The following TAGLN2 variants were observed in gnomAD, a reference collection of about 807,000 sequenced individuals.
The protein encoded by TAGLN2 is transgelin-2.
Under a neutral mutation model 24.9 loss-of-function variants are expected in TAGLN2, and 14 were observed. That is an observed-to-expected ratio of 0.56 (90% CI 0.37 to 0.88). The LOEUF (loss-of-function observed/expected upper bound fraction) is 0.88, where lower values mean the gene tolerates loss of function less well. Ranked by LOEUF, TAGLN2 falls within the 40% of genes least tolerant of loss-of-function variation. The pLI is 0.00. For synonymous variants in TAGLN2, 77 were observed against 98.2 expected (o/e 0.78, Z 1.28); for missense variants, 208 against 258.9 (o/e 0.80, Z 1.35).
chr1:159,920,042 C>T (rs1322020509), intron 2 of TAGLN2: 2 of 760,814 alleles, frequency 2.6e-6, no homozygotes, highest in Non-Finnish European at 4.5e-6. Context: ...AGTGTTTAGT[C>T]TTTCCTTGCT....
rs28742915 is a variant in TAGLN2, at chr1:159,919,642, G to A, written c.355+19C>T. The A allele has an allele frequency of 3.1e-6, 5 of 1,608,804 alleles. No homozygotes were observed. Among genetic ancestry groups the A allele is most frequent in the Non-Finnish European group, 4.2e-6 (5 of 1,177,082 alleles). On this transcript the variant is annotated intron_variant, in intron 3 of 4. Coordinates refer to ENST00000368097, the MANE Select transcript of TAGLN2 (RefSeq NM_003564.3). ...CTGGCCTCCTGGATGACAGGACCCA[G>A]CCCCTCGCCCTGTCCCACCTTCCCA...
chr1:159,923,603 C>A, intron 1 of TAGLN2: 1 of 951,410 alleles, frequency 1.1e-6, no homozygotes, highest in Non-Finnish European at 1.5e-6. Context: ...GGAGTGTTCT[C>A]AAAGAGCAGC....
At chr1:159,924,761 G>A (rs1650648329) in intron 1 of TAGLN2, among the ~76,000 whole-genome samples, 1 of 152,138 alleles carries the variant, frequency 6.6e-6, no homozygotes, top group Non-Finnish European at 1.5e-5. Flanking sequence ...AGCGGCGCTC[G>A]GGCAGGGTAA....
chr1:159,920,276 T>A (rs763586773), intron 2 of TAGLN2, 54 bp downstream of exon 2: 1 of 1,613,846 alleles, frequency 6.2e-7, no homozygotes, highest in Non-Finnish European at 8.5e-7. Context: ...CCCAGTCCAC[T>A]GGACCCAGTC....
intron 1 of TAGLN2, among the ~76,000 whole-genome samples, chr1:159,924,241 G>C (rs1352556789): frequency 6.6e-6 from 1 of 152,172 alleles, no homozygotes; most frequent in African/African-American, 2.4e-5. Flanking sequence ...CCTATTTGTT[G>C]GTTCTGGAAT....
chr1:159,919,570 C>T lies in TAGLN2; in HGVS notation c.355+91G>A. On this transcript the variant is annotated intron_variant, in intron 3 of 4. Transcript: ENST00000368097. ...CACACCCCTCTTTCTCTGCAGGGAG[C>T]CAGAAAACAGCCCCTTCTGCCTGGT... The T allele has an allele frequency of 9.3e-6, 14 of 1,501,150 alleles. No individual in the cohort carries two copies. The South Asian group carries it at 1.2e-4, about 13-fold the overall frequency. The allele number at this position is 1,501,150 out of a possible 1,614,324, so 93.0% of individuals were successfully genotyped here. A position where few individuals can be genotyped will look rare whatever the true frequency, so the allele number is the denominator to read the frequency against.
intron 1 of TAGLN2, among the ~76,000 whole-genome samples, chr1:159,923,088 T>C (rs1440690770): frequency 6.6e-6 from 1 of 152,204 alleles, no homozygotes; most frequent in Non-Finnish European, 1.5e-5. Flanking sequence ...CAGAAGCTGA[T>C]GGGCTGCGGC....
Position 159,918,390 on chromosome 1 carries a change from A to G in TAGLN2, c.*410T>C, listed in dbSNP as rs1319571170. 3.1e-5 allele frequency: 5 copies of G among 162,624 alleles called. No homozygotes were observed. In the East Asian group the frequency reaches 9.0e-4, roughly 29 times the overall value. The allele number at this position is 162,624 out of a possible 1,614,324, so 10.1% of individuals were successfully genotyped here. A position where few individuals can be genotyped will look rare whatever the true frequency, so the allele number is the denominator to read the frequency against. The stretch of plus-strand genomic sequence containing the variant: ...AGCTGTGGGAGAAGCATACTTGTAG[A>G]AGCAAGGCCAGTCCAGCATCAGAAG... On this transcript the variant is annotated 3_prime_UTR_variant, in exon 5 of 5. Coordinates refer to ENST00000368097, the MANE Select transcript of TAGLN2 (RefSeq NM_003564.3).
rs562622139 is a variant in TAGLN2 at position 159,923,873 on chromosome 1, A to G, written c.-29+1577T>C. On this transcript the variant is annotated intron_variant, in intron 1 of 4. Transcript: ENST00000368097. Reference sequence around the variant, plus strand: ...GGGCTCCGGGCAGAAACACCCTGTCAACACAGACGTTGTGGTGAGCAGGCT... The same window carrying G: ...GGGCTCCGGGCAGAAACACCCTGTCGACACAGACGTTGTGGTGAGCAGGCT... Among the ~76,000 whole-genome samples the G allele has an allele frequency of 2.6e-5, 4 of 152,332 alleles. No individual in the cohort carries two copies. In the South Asian group the frequency reaches 8.3e-4, roughly 32 times the overall value.
intron 1 of TAGLN2, chr1:159,923,343 C>T: frequency 7.0e-7 from 1 of 1,426,668 alleles, no homozygotes; most frequent in Non-Finnish European, 9.6e-7. Flanking sequence ...TGAGAACAAC[C>T]CTCACCCTCA....
chr1:159,920,325 C>T lies in TAGLN2; in HGVS notation c.180+5G>A, dbSNP rs777935520. The stretch of plus-strand genomic sequence containing the variant: ...ACTTCCAAGCCAGTGGGGCCCGGCT[C>T]TCACCGTGCCATCCTTGAGCCAGTT... On this transcript the variant is annotated splice_donor_5th_base_variant and intron_variant, in intron 2 of 4. Coordinates refer to ENST00000368097, the MANE Select transcript of TAGLN2 (RefSeq NM_003564.3). 3.1e-6 allele frequency: 5 copies of T among 1,614,234 alleles called. No individual in the cohort carries two copies. The highest frequency in any genetic ancestry group is 4.2e-6 in the Non-Finnish European group (5 of 1,180,040).
At position 159,919,290 on chromosome 1, in the gene TAGLN2, G is replaced by C; in HGVS notation, c.442C>G (p.Pro148Ala). 1.2e-6 allele frequency: 2 copies of C among 1,614,196 alleles called. No individual in the cohort carries two copies. The highest frequency in any genetic ancestry group is 2.2e-5 in the South Asian group (2 of 91,090). ...AATACTTACTTAGGGAACCAGTTGG[G>C]ATCCCCAGAGAAGAGCCCATCATCT... Reference protein sequence around the residue: ...ARDDGLFSGDPNWFPKKSKEN... With the variant: ...ARDDGLFSGDANWFPKKSKEN... Residue 148 changes from proline (P) to alanine (A), a missense_variant, in exon 4 of 5, where the codon CCC becomes GCC. Coordinates refer to ENST00000368097, the MANE Select transcript of TAGLN2 (RefSeq NM_003564.3).
chr1:159,920,344 G>T lies in TAGLN2; in HGVS notation c.166C>A (p.Leu56Ile). The stretch of plus-strand genomic sequence containing the variant: ...CCGGCTCTCACCGTGCCATCCTTGA[G>T]CCAGTTCTGGAAGTTCTCGCGTCCA... Reference protein sequence around the residue: ...QPGRENFQNWLKDGTVLCELI... With the variant: ...QPGRENFQNWIKDGTVLCELI... Residue 56 changes from leucine to isoleucine, a missense_variant, in exon 2 of 5, where the codon CTC becomes ATC. Coordinates refer to ENST00000368097, the MANE Select transcript of TAGLN2 (RefSeq NM_003564.3). 1 of 1,614,264 alleles carries T rather than the reference G, an allele frequency of 6.2e-7. No individual in the cohort carries two copies.
At chr1:159,920,705 AAGAG>A in intron 1 of TAGLN2, 168 bp from the exon 2 acceptor site, 2 of 886,630 alleles carry the variant, frequency 2.3e-6, no homozygotes, top group Non-Finnish European at 2.7e-6. Flanking sequence ...AGCCCTGGGA[AAGAG>A]AATGATTTGG....
chr1:159,925,169 C>A (rs1317846), intron 1 of TAGLN2: 12,948 of 152,280 alleles, frequency 0.085, 1,321 homozygotes, highest in African/African-American at 0.24. Flanking sequence ...GAGGACTCAG[C>A]GATGGAGCCC....
chr1:159,919,169 CT>C, intron 4 of TAGLN2, 104 bp downstream of exon 4: 1 of 1,329,062 alleles, frequency 7.5e-7, no homozygotes, highest in Non-Finnish European at 1.1e-6. Flanking sequence ...TCTGAAAGTG[CT>C]TTGTAAAGGG....
At chr1:159,919,093 TGTCCAAA>T in intron 4 of TAGLN2, 152 bp from the exon 5 acceptor site, 2 of 1,324,732 alleles carry the variant, frequency 1.5e-6, no homozygotes, top group South Asian at 2.7e-5. Flanking sequence ...CCTCCTCATC[TGTCCAAA>T]GGGACAGTCA....
At chr1:159,923,692 C>CTTTTT in intron 1 of TAGLN2, 3 of 463,122 alleles carry the variant, frequency 6.5e-6, no homozygotes, top group Non-Finnish European at 1.2e-5. Context: ...TTAAGGGAAC[C>CTTTTT]ACCGTAGGGC....
chr1:159,919,180 G>A, intron 4 of TAGLN2, 94 bp downstream of exon 4: 1 of 1,358,004 alleles, frequency 7.4e-7, no homozygotes, highest in South Asian at 1.2e-5. Context: ...TTTGTAAAGG[G>A]CCAGCTGCTA....
Sources: allele counts gnomAD v4.1 joint callset (sites outside exome capture counted in the v4.1 genomes callset), GRCh38; gene constraint gnomAD v4.1.1; transcripts MANE v1.5; gene names NCBI Gene and HGNC (gene_info 2026-07-23, HGNC 2026-07-21).